ARHGAP26: variants seen among roughly 807,000 people sequenced by gnomAD.
The protein encoded by ARHGAP26 is Rho GTPase activating protein 26, also known as rho GTPase-activating protein 26.
ARHGAP26 carries 38 observed loss-of-function variants against 104.8 expected under a neutral mutation model. That is an observed-to-expected ratio of 0.36 (90% CI 0.28 to 0.48). The LOEUF (loss-of-function observed/expected upper bound fraction) is 0.48. ARHGAP26 is among the 20% of genes least tolerant of loss of function. The probability of loss-of-function intolerance (pLI) is 0.99; values close to 1 mark genes in which losing one functional copy is unlikely to be tolerated. For missense variants in ARHGAP26, 704 were observed against 947.9 expected, an observed-to-expected ratio of 0.74 and a Z score of 3.38; for synonymous variants, 341 against 340.0, an observed-to-expected ratio of 1.00 and a Z score of -0.03.
chr5:143,097,360 GAAAAAAA>G (rs56116431), intron 17 of ARHGAP26, among the ~76,000 whole-genome samples: 22 of 63,258 alleles, frequency 3.5e-4, no homozygotes, highest in South Asian at 2.6e-3. Flanking sequence ...TCAAAAAAAA[GAAAAAAA>G]AAAAAAAAAA....
chr5:143,171,513 G>A (rs938741056), intron 20 of ARHGAP26, among the ~76,000 whole-genome samples: 6 of 152,276 alleles, frequency 3.9e-5, no homozygotes, highest in African/African-American at 1.4e-4. Flanking sequence ...AGGAGGAGAG[G>A]GGAGGGGAGA....
intron 11 of ARHGAP26, among the ~76,000 whole-genome samples, chr5:143,005,418 T>C (rs1777800129): frequency 6.6e-6 from 1 of 152,250 alleles, no homozygotes; most frequent in Non-Finnish European, 1.5e-5. Context: ...TGAGTTTGGC[T>C]TGGGCCAATC....
chr5:143,020,598 C>T (rs1329362991), intron 12 of ARHGAP26, among the ~76,000 whole-genome samples: 1 of 147,104 alleles, frequency 6.8e-6, no homozygotes, highest in Non-Finnish European at 1.5e-5. Context: ...TCCTTTCTTT[C>T]CTTGTGGTTT....
chr5:143,127,621 C>T (rs1417996855), intron 18 of ARHGAP26, among the ~76,000 whole-genome samples: 1 of 152,224 alleles, frequency 6.6e-6, no homozygotes, highest in Non-Finnish European at 1.5e-5. Context: ...AGCAACCTCG[C>T]ATTCCCAATA....
chr5:143,175,318 A>G (rs1425692659), intron 20 of ARHGAP26, among the ~76,000 whole-genome samples: 1 of 152,186 alleles, frequency 6.6e-6, no homozygotes, highest in Non-Finnish European at 1.5e-5. Flanking sequence ...GCATAAGCAA[A>G]ATGCTTAGGG....
At chr5:142,833,832 A>G (rs2152125169) in intron 1 of ARHGAP26, among the ~76,000 whole-genome samples, 1 of 152,322 alleles carries the variant, frequency 6.6e-6, no homozygotes, top group Middle Eastern at 3.4e-3. Flanking sequence ...CTTTGTAAGT[A>G]ATTTACCTCG....
chr5:143,059,832 A>G (rs1173305860), intron 17 of ARHGAP26, among the ~76,000 whole-genome samples: 1 of 152,198 alleles, frequency 6.6e-6, no homozygotes, highest in Non-Finnish European at 1.5e-5. Context: ...ACAAGCTCTC[A>G]TGCTGTAATG....
intron 12 of ARHGAP26, among the ~76,000 whole-genome samples, chr5:143,020,632 C>CTTTTTTTTTTTTTTTTTTTTTTTTTTTT: frequency 1.6e-5 from 1 of 61,708 alleles, no homozygotes; most frequent in Non-Finnish European, 2.8e-5. Flanking sequence ...TGCTCTAGTG[C>CTTTTTTTTTTTTTTTTTTTTTTTTTTTT]TTTTTTTTTT....
At chr5:142,847,452 G>A (rs1281421586) in intron 1 of ARHGAP26, among the ~76,000 whole-genome samples, 1 of 152,010 alleles carries the variant, frequency 6.6e-6, no homozygotes, top group African/African-American at 2.4e-5. Context: ...CTGCCTCCCG[G>A]GTTCAAGCCA....
intron 20 of ARHGAP26, among the ~76,000 whole-genome samples, chr5:143,176,892 A>C (rs1309019669): frequency 6.6e-6 from 1 of 152,226 alleles, no homozygotes; most frequent in African/African-American, 2.4e-5. Context: ...TCTAATTTGC[A>C]AAGAGAATTA....
chr5:143,071,078 G>A (rs1458959713), intron 17 of ARHGAP26, among the ~76,000 whole-genome samples: 5 of 152,202 alleles, frequency 3.3e-5, no homozygotes, highest in Non-Finnish European at 5.9e-5. Flanking sequence ...CTACAAAGCT[G>A]TAGTAACCAA....
chr5:143,148,091 A>G (rs1359879364), intron 20 of ARHGAP26, among the ~76,000 whole-genome samples: 2 of 152,060 alleles, frequency 1.3e-5, no homozygotes, highest in African/African-American at 2.4e-5. Context: ...CTTGTCAACT[A>G]GCGCCTTTGC....
chr5:142,968,423 T>A (rs1771741435), intron 11 of ARHGAP26, among the ~76,000 whole-genome samples: 1 of 152,226 alleles, frequency 6.6e-6, no homozygotes, highest in African/African-American at 2.4e-5. Flanking sequence ...GATCTCTGGA[T>A]TGTTTTTGTA....
At chr5:142,924,681 A>G (rs1340721302) in intron 10 of ARHGAP26, among the ~76,000 whole-genome samples, 6 of 152,192 alleles carry the variant, frequency 3.9e-5, no homozygotes, top group Non-Finnish European at 8.8e-5. Context: ...AATTCTTTCC[A>G]TGCACAAAGG....
At chr5:142,978,615 A>T (rs1354774304) in intron 11 of ARHGAP26, among the ~76,000 whole-genome samples, 2 of 152,182 alleles carry the variant, frequency 1.3e-5, no homozygotes, top group East Asian at 3.8e-4. Context: ...CACTGACTTC[A>T]TAGAGTTCTC....
intron 11 of ARHGAP26, among the ~76,000 whole-genome samples, chr5:142,962,376 G>A (rs1057091698): frequency 2.6e-5 from 4 of 152,076 alleles, no homozygotes; most frequent in African/African-American, 4.8e-5. Context: ...GGCTGCTTTT[G>A]GTTTTTAACA....
At chr5:143,199,448 T>A (rs1456024146) in intron 20 of ARHGAP26, among the ~76,000 whole-genome samples, 1 of 152,262 alleles carries the variant, frequency 6.6e-6, no homozygotes, top group African/African-American at 2.4e-5. Flanking sequence ...AAAGTTTGAT[T>A]TCCCTTTACC....
chr5:143,155,548 G>T (rs992601602), intron 20 of ARHGAP26, among the ~76,000 whole-genome samples: 13 of 152,184 alleles, frequency 8.5e-5, no homozygotes, highest in African/African-American at 3.1e-4. Context: ...GCTTGAGACA[G>T]ACCTCACACT....
At chr5:142,892,137 T>A (rs1758753801) in intron 5 of ARHGAP26, among the ~76,000 whole-genome samples, 1 of 152,034 alleles carries the variant, frequency 6.6e-6, no homozygotes, top group Non-Finnish European at 1.5e-5. Context: ...AAAGGAAGTA[T>A]TTGGGACTTC....
Sources: gnomAD v4.1 joint callset for allele counts (sites outside exome capture counted in the v4.1 genomes callset) on GRCh38, gnomAD v4.1.1 for gene constraint, MANE v1.5 for transcripts, NCBI Gene and HGNC (gene_info 2026-07-23, HGNC 2026-07-21) for gene names.